Variants in C6orf47 observed in about 807,000 individuals in gnomAD.
C6orf47 encodes uncharacterized protein C6orf47.
In C6orf47, 1 loss-of-function variant was observed where a neutral mutation model predicts 5.6. The ratio of observed to expected loss-of-function variants is 0.18; its 90% CI spans 0.06 to 0.85. The LOEUF (loss-of-function observed/expected upper bound fraction) is 0.85. C6orf47 is among the 40% of genes least tolerant of loss of function. The probability of loss-of-function intolerance (pLI) is 0.70; values close to 1 mark genes in which losing one functional copy is unlikely to be tolerated. For missense variants in C6orf47, 323 were observed against 367.1 expected, an observed-to-expected ratio of 0.88 and a Z score of 0.98; for synonymous variants, 149 against 161.7, an observed-to-expected ratio of 0.92 and a Z score of 0.60.
In C6orf47 at chr6:31,658,813, A is replaced by C. The variant is rs1267714111; in HGVS notation, c.*250T>G. On this transcript the variant is annotated 3_prime_UTR_variant, in exon 1 of 1. Coordinates refer to ENST00000375911, the MANE Select transcript of C6orf47 (RefSeq NM_021184.4). ...TAAAAAGTGGAGGTGGAAAAAAAAA[A>C]AAAACTGAAGGTGGGAGAAAAGTAA... 8.0e-5 allele frequency: 33 copies of C among 414,280 alleles called. No individual in the cohort carries two copies. In the East Asian group the frequency reaches 1.1e-3, roughly 14 times the overall value. The allele number at this position is 414,280 out of a possible 1,614,324, so 25.7% of individuals were successfully genotyped here.
chr6:31,659,505 G>A lies in C6orf47; in HGVS notation c.443C>T (p.Pro148Leu). Residue 148 changes from proline (P) to leucine (L), a missense_variant, in exon 1 of 1, where the codon CCT becomes CTT. Coordinates refer to ENST00000375911, the MANE Select transcript of C6orf47 (RefSeq NM_021184.4). The surrounding 1 kb of genome is among the most constrained non-coding windows in gnomAD (Gnocchi z 5.6). ...GCCCAACAGCTTCTCACGCCTACCA[G>A]GTTTCTCCAATGGGGCTCCTGGCCC... ...VPGPGAPLEK[P>L]GRREKLLGWL... The A allele has an allele frequency of 3.1e-6, 5 of 1,613,122 alleles. No individual in the cohort carries two copies. The highest frequency in any genetic ancestry group is 4.2e-6 in the Non-Finnish European group (5 of 1,180,050).
At position 31,659,852 on chromosome 6, in the gene C6orf47, C is replaced by T. The variant is rs747204088; in HGVS notation, c.96G>A (p.Val32=). 6.2e-7 allele frequency: 1 copy of T among 1,612,764 alleles called. No individual in the cohort carries two copies. The change falls in exon 1 of 1, where the codon GTG becomes GTA. Residue 32 remains valine, a synonymous_variant. Transcript: ENST00000375911. This position sits in a 1 kb window ranked among gnomAD's most constrained non-coding sequence, Gnocchi z 5.6. ...TTCCTGAATTCTCCGAGGAGCTGTC[C>T]ACCCGTCTGGGTTCTGGGTAAGGCG... is the stretch of plus-strand genomic sequence containing the variant. The part of the protein sequence containing the change: ...PDPPYPEPRR[V]DSSSENSGSD...
rs932087811 is a variant in C6orf47, at chr6:31,659,734, C to G, written c.214G>C (p.Glu72Gln). 5 of 1,612,918 alleles carry G rather than the reference C, an allele frequency of 3.1e-6. No individual in the cohort carries two copies. Among genetic ancestry groups the G allele is most frequent in the Non-Finnish European group, 4.2e-6 (5 of 1,180,010 alleles). ...ACTTGGGGCTCCTCCTTGCTTGGTT[C>G]GGAAGCAGCCCCAGAAACCCTCAAT... The part of the protein sequence containing the change: ...GALRVSGAAS[E>Q]PSKEEPQVEQ... The change falls in exon 1 of 1, where the codon GAA becomes CAA. Residue 72 changes from glutamate to glutamine, a missense_variant. Physicochemically the swap from Glu to Gln is conservative, Grantham distance 29. Transcript: ENST00000375911. This position sits in a 1 kb window ranked among gnomAD's most constrained non-coding sequence, Gnocchi z 5.6.
rs1016896653 is a variant in C6orf47, at chr6:31,658,649, T to A, written c.*414A>T. The A allele has an allele frequency of 2.4e-4, 50 of 206,214 alleles. No individual in the cohort carries two copies. Among genetic ancestry groups the A allele is most frequent in the Non-Finnish European group, 4.3e-4 (45 of 103,556 alleles). The allele number at this position is 206,214 out of a possible 1,614,324, so 12.8% of individuals were successfully genotyped here. A position where few individuals can be genotyped will look rare whatever the true frequency, so the allele number is the denominator to read the frequency against. On this transcript the variant is annotated 3_prime_UTR_variant, in exon 1 of 1. Coordinates refer to ENST00000375911, the MANE Select transcript of C6orf47 (RefSeq NM_021184.4). ...AGATCCTGAGATCCAAGGAACACCC[T>A]GGGTTTCCCAACCACTCTCTTACTG...
rs1006198971 is a variant in C6orf47 at position 31,658,328 on chromosome 6, G to A, written c.*735C>T. ...CGGTGTCAGTAAGAACAGAGTGGCAGTAACTCTCACTTTGTAGTGGTATAT... is the reference window on the plus strand; with the variant it reads ...CGGTGTCAGTAAGAACAGAGTGGCAATAACTCTCACTTTGTAGTGGTATAT... On this transcript the variant is annotated 3_prime_UTR_variant, in exon 1 of 1. Coordinates refer to ENST00000375911, the MANE Select transcript of C6orf47 (RefSeq NM_021184.4). The A allele has an allele frequency of 3.4e-5, 20 of 585,462 alleles. No homozygotes were observed. The African/African-American group carries it at 3.5e-4, about 10-fold the overall frequency. The allele number at this position is 585,462 out of a possible 1,614,324, so 36.3% of individuals were successfully genotyped here. A position where few individuals can be genotyped will look rare whatever the true frequency, so the allele number is the denominator to read the frequency against.
chr6:31,659,614 T>C lies in C6orf47; in HGVS notation c.334A>G (p.Ser112Gly). 1.2e-6 allele frequency: 2 copies of C among 1,612,914 alleles called. No homozygotes were observed. Among genetic ancestry groups the C allele is most frequent in the Non-Finnish European group, 1.7e-6 (2 of 1,180,018 alleles). Reference sequence around the variant, plus strand: ...ACATGATCCCATCTGAGTTTGGGACTGGCCCCTCCAGCCTCCAGTCTCCCA... The same window carrying C: ...ACATGATCCCATCTGAGTTTGGGACCGGCCCCTCCAGCCTCCAGTCTCCCA... ...ESGRLEAGGA[S>G]PKLRWDHVDS... Residue 112 changes from serine to glycine, a missense_variant, in exon 1 of 1, where the codon AGT (serine) becomes GGT (glycine). Ser to Gly is a moderately conservative substitution (Grantham distance 56, BLOSUM62 0). Coordinates refer to ENST00000375911, the MANE Select transcript of C6orf47 (RefSeq NM_021184.4). The surrounding 1 kb of genome is among the most constrained non-coding windows in gnomAD (Gnocchi z 5.6).
rs1562009758 is a variant in C6orf47, at chr6:31,659,229, GT to G, written c.718del (p.Thr240LeufsTer74). 2 of 1,612,844 alleles carry G rather than the reference GT, an allele frequency of 1.2e-6. No individual in the cohort carries two copies. The highest frequency in any genetic ancestry group is 1.7e-6 in the Non-Finnish European group (2 of 1,179,900). On this transcript the variant is annotated frameshift_variant, in exon 1 of 1. Coordinates refer to ENST00000375911, the MANE Select transcript of C6orf47 (RefSeq NM_021184.4). LOFTEE classifies it high-confidence loss of function. This position sits in a 1 kb window ranked among gnomAD's most constrained non-coding sequence, Gnocchi z 5.6. ...HGLHAVLSLLTAHPLHFACLF... is the reference protein window; with the variant it reads ...HGLHAVLSLLXAHPLHFACLF... ...GCAGGCGAAGTGCAAAGGGTGGGCAGTAAGTAGGCTCAGAACAGCATGGAGC... is the reference window on the plus strand; with the variant it reads ...GCAGGCGAAGTGCAAAGGGTGGGCAGAAGTAGGCTCAGAACAGCATGGAGC...
chr6:31,660,036 T>A lies in C6orf47; in HGVS notation c.-89A>T, dbSNP rs1050552098. 2.4e-5 allele frequency: 34 copies of A among 1,424,386 alleles called. No individual in the cohort carries two copies. Among genetic ancestry groups the A allele is most frequent in the Non-Finnish European group, 2.7e-5 (29 of 1,071,734 alleles). 88.2% of individuals were successfully genotyped at this position (1,424,386 alleles called of 1,614,324 possible). A position where few individuals can be genotyped will look rare whatever the true frequency, so the allele number is the denominator to read the frequency against. On this transcript the variant is annotated 5_prime_UTR_variant, in exon 1 of 1. Coordinates refer to ENST00000375911, the MANE Select transcript of C6orf47 (RefSeq NM_021184.4). This position sits in a 1 kb window ranked among gnomAD's most constrained non-coding sequence, Gnocchi z 4.7. ...GGATCTCCTCAGAAGCCAGAGTCTT[T>A]CTGGCTCAGAACAGGTATTTGCCTG...
Position 31,658,304 on chromosome 6 carries a change from G to A in C6orf47, c.*759C>T, listed in dbSNP as rs1248966282. On this transcript the variant is annotated 3_prime_UTR_variant, in exon 1 of 1. Transcript: ENST00000375911. ...CTACCACCTAAACTCCCAGCTGGAC[G>A]GTGTCAGTAAGAACAGAGTGGCAGT... 1 of 609,054 alleles carries A rather than the reference G, an allele frequency of 1.6e-6. No individual in the cohort carries two copies. The highest frequency in any genetic ancestry group is 2.9e-6 in the Non-Finnish European group (1 of 342,632). 37.7% of individuals were successfully genotyped at this position (609,054 alleles called of 1,614,324 possible).
Position 31,658,434 on chromosome 6 carries a change from C to T in C6orf47, c.*629G>A, listed in dbSNP as rs1162513710. 4 of 393,372 alleles carry T rather than the reference C, an allele frequency of 1.0e-5. No individual in the cohort carries two copies. The highest frequency in any genetic ancestry group is 2.0e-5 in the African/African-American group (1 of 49,174). The allele number at this position is 393,372 out of a possible 1,614,324, so 24.4% of individuals were successfully genotyped here. A position where few individuals can be genotyped will look rare whatever the true frequency, so the allele number is the denominator to read the frequency against. ...CAAGTGGGGACTACAGGCTTCAGTG[C>T]TTCCCCCACACTGCCTGAGCTACCA... On this transcript the variant is annotated 3_prime_UTR_variant, in exon 1 of 1. Coordinates refer to ENST00000375911, the MANE Select transcript of C6orf47 (RefSeq NM_021184.4).
At position 31,658,926 on chromosome 6, in the gene C6orf47, G is replaced by T; in HGVS notation, c.*137C>A. 1.1e-6 allele frequency: 1 copy of T among 918,240 alleles called. No homozygotes were observed. Among genetic ancestry groups the T allele is most frequent in the Non-Finnish European group, 1.7e-6 (1 of 597,956 alleles). The allele number at this position is 918,240 out of a possible 1,614,324, so 56.9% of individuals were successfully genotyped here. On this transcript the variant is annotated 3_prime_UTR_variant, in exon 1 of 1. Coordinates refer to ENST00000375911, the MANE Select transcript of C6orf47 (RefSeq NM_021184.4). ...CCTAAATAGTTCTGTTCTCTCCTGT[G>T]TATGAAGGGGGGCCCTGCACCCTCG... is the stretch of plus-strand genomic sequence containing the variant.
In C6orf47 at chr6:31,659,551, C is replaced by T; in HGVS notation, c.397G>A (p.Glu133Lys). Reference protein sequence around the residue: ...GGTRRPGVSPEGGLSVPGPGA... With the variant: ...GGTRRPGVSPKGGLSVPGPGA... ...GGCCCAGGGACGCTCAGTCCCCCTTCAGGGGACACCCCTGGTCTCCTGGTG... is the reference window on the plus strand; with the variant it reads ...GGCCCAGGGACGCTCAGTCCCCCTTTAGGGGACACCCCTGGTCTCCTGGTG... Residue 133 changes from glutamate to lysine, a missense_variant, in exon 1 of 1, where the codon GAA becomes AAA. Glu to Lys is a moderately conservative substitution (Grantham distance 56). Transcript: ENST00000375911. The surrounding 1 kb of genome is among the most constrained non-coding windows in gnomAD (Gnocchi z 5.6). The T allele has an allele frequency of 1.2e-6, 2 of 1,613,014 alleles. No homozygotes were observed. The highest frequency in any genetic ancestry group is 2.2e-5 in the South Asian group (2 of 91,086).
chr6:31,659,440 C>G lies in C6orf47; in HGVS notation c.508G>C (p.Gly170Arg), dbSNP rs1227401478. 2 of 1,612,924 alleles carry G rather than the reference C, an allele frequency of 1.2e-6. No individual in the cohort carries two copies. The highest frequency in any genetic ancestry group is 1.7e-6 in the Non-Finnish European group (2 of 1,179,968). ...ATCTGCAGACACTCTTCTGGGCCCCCCAAGTACCGGGAGGGAGCTCCTGGT... is the reference window on the plus strand; with the variant it reads ...ATCTGCAGACACTCTTCTGGGCCCCGCAAGTACCGGGAGGGAGCTCCTGGT... ...GEPGAPSRYL[G>R]GPEECLQIST... The change falls in exon 1 of 1, where the codon GGG becomes CGG. Residue 170 changes from glycine (G) to arginine (R), a missense_variant. Physicochemically the swap from Gly to Arg is moderately radical, Grantham distance 125. Transcript: ENST00000375911. The surrounding 1 kb of genome is among the most constrained non-coding windows in gnomAD (Gnocchi z 5.6).
Position 31,659,032 on chromosome 6 carries a change from A to G in C6orf47, c.*31T>C, listed in dbSNP as rs375479061. ...CTCACACTTTTCTCCTAAAGCCCAC[A>G]CTCTCTTCACCCTTTGCCCCCACCC... On this transcript the variant is annotated 3_prime_UTR_variant, in exon 1 of 1. Coordinates refer to ENST00000375911, the MANE Select transcript of C6orf47 (RefSeq NM_021184.4). This position sits in a 1 kb window ranked among gnomAD's most constrained non-coding sequence, Gnocchi z 5.6. 856 of 1,590,392 alleles carry G rather than the reference A, an allele frequency of 5.4e-4. 21 individuals are homozygous for G. The South Asian group carries it at 8.3e-3, about 15-fold the overall frequency.
chr6:31,660,127 A>G lies in C6orf47; in HGVS notation c.-180T>C. ...TTCTCTGAATAGTCATGCAGCCTCAAGTGTGGCAAGTAGTTTGCTTCCTCT... is the reference window on the plus strand; with the variant it reads ...TTCTCTGAATAGTCATGCAGCCTCAGGTGTGGCAAGTAGTTTGCTTCCTCT... On this transcript the variant is annotated 5_prime_UTR_variant, in exon 1 of 1. Coordinates refer to ENST00000375911, the MANE Select transcript of C6orf47 (RefSeq NM_021184.4). The surrounding 1 kb of genome is among the most constrained non-coding windows in gnomAD (Gnocchi z 4.7). 1 of 740,580 alleles carries G rather than the reference A, an allele frequency of 1.4e-6. No homozygotes were observed. 45.9% of individuals were successfully genotyped at this position (740,580 alleles called of 1,614,324 possible).
At position 31,658,812 on chromosome 6, in the gene C6orf47, A is replaced by AG. The variant is rs1800437599; in HGVS notation, c.*250_*251insC. On this transcript the variant is annotated 3_prime_UTR_variant, in exon 1 of 1. Transcript: ENST00000375911. Reference sequence around the variant, plus strand: ...TTAAAAAGTGGAGGTGGAAAAAAAAAAAAAACTGAAGGTGGGAGAAAAGTA... The same window carrying AG: ...TTAAAAAGTGGAGGTGGAAAAAAAAAGAAAAACTGAAGGTGGGAGAAAAGTA... 2.4e-6 allele frequency: 1 copy of AG among 413,508 alleles called. No individual in the cohort carries two copies. The highest frequency in any genetic ancestry group is 2.1e-5 in the African/African-American group (1 of 48,508). The allele number at this position is 413,508 out of a possible 1,614,324, so 25.6% of individuals were successfully genotyped here. A position where few individuals can be genotyped will look rare whatever the true frequency, so the allele number is the denominator to read the frequency against.
Position 31,659,540 on chromosome 6 carries a change from C to T in C6orf47, c.408G>A (p.Leu136=), listed in dbSNP as rs770504035. 6.2e-7 allele frequency: 1 copy of T among 1,613,084 alleles called. No homozygotes were observed. Among genetic ancestry groups the T allele is most frequent in the Admixed American group, 1.7e-5 (1 of 60,036 alleles). ...ATGGGGCTCCTGGCCCAGGGACGCTCAGTCCCCCTTCAGGGGACACCCCTG... is the reference window on the plus strand; with the variant it reads ...ATGGGGCTCCTGGCCCAGGGACGCTTAGTCCCCCTTCAGGGGACACCCCTG... The part of the protein sequence containing the change: ...RRPGVSPEGG[L]SVPGPGAPLE... Residue 136 remains leucine, a synonymous_variant, in exon 1 of 1, where the codon CTG becomes CTA. Coordinates refer to ENST00000375911, the MANE Select transcript of C6orf47 (RefSeq NM_021184.4). This position sits in a 1 kb window ranked among gnomAD's most constrained non-coding sequence, Gnocchi z 5.6.
rs116316400 is a variant in C6orf47, at chr6:31,658,425, G to A, written c.*638C>T. 2,477 of 403,176 alleles carry A rather than the reference G, an allele frequency of 6.1e-3. 36 individuals are homozygous for A. The highest frequency in any genetic ancestry group is 0.033 in the African/African-American group (1,627 of 49,546). 25.0% of individuals were successfully genotyped at this position (403,176 alleles called of 1,614,324 possible). A position where few individuals can be genotyped will look rare whatever the true frequency, so the allele number is the denominator to read the frequency against. On this transcript the variant is annotated 3_prime_UTR_variant, in exon 1 of 1. Transcript: ENST00000375911. ...CCTAGCCCCCAAGTGGGGACTACAG[G>A]CTTCAGTGCTTCCCCCACACTGCCT...
Position 31,659,902 on chromosome 6 carries a change from G to A in C6orf47, c.46C>T (p.Arg16Cys), listed in dbSNP as rs1007246410. The A allele has an allele frequency of 2.5e-5, 40 of 1,598,440 alleles. No homozygotes were observed. Among genetic ancestry groups the A allele is most frequent in the Admixed American group, 6.9e-5 (4 of 58,212 alleles). ...LGGWLPRPWG[R>C]RKPMRPDPPY... is the part of the protein sequence containing the mutation. ...GGGTCAGGCCTCATTGGTTTCCGGC[G>A]GCCCCAAGGGCGAGGTAGCCAGCCA... Residue 16 changes from arginine to cysteine, a missense_variant, in exon 1 of 1, where the codon CGC (arginine) becomes TGC (cysteine). Transcript: ENST00000375911. This position sits in a 1 kb window ranked among gnomAD's most constrained non-coding sequence, Gnocchi z 5.6.
Sources: allele counts gnomAD v4.1 joint callset, GRCh38; gene constraint gnomAD v4.1.1; non-coding constraint Gnocchi (gnomAD v3.1); transcripts MANE v1.5; gene names NCBI Gene and HGNC (gene_info 2026-07-23, HGNC 2026-07-21).